Variants in ALDH1L2 observed in about 807,000 individuals in gnomAD.
The protein encoded by ALDH1L2 is aldehyde dehydrogenase 1 family member L2.
A neutral mutation model predicts 111.0 loss-of-function variants in ALDH1L2; 91 were observed. The observed-to-expected ratio is 0.82, with a 90% CI of 0.69 to 0.98. ALDH1L2 has a LOEUF of 0.98. ALDH1L2 is among the 50% of genes least tolerant of loss of function. The pLI is 0.00. For missense variants in ALDH1L2, 995 were observed against 1,126.8 expected, an observed-to-expected ratio of 0.88 and a Z score of 1.67; for synonymous variants, 374 against 392.6, an observed-to-expected ratio of 0.95 and a Z score of 0.56.
chr12:105,038,589 C>G (rs1009945490), intron 17 of ALDH1L2, among the ~76,000 whole-genome samples: 5 of 152,004 alleles, frequency 3.3e-5, no homozygotes, highest in African/African-American at 1.2e-4. Flanking sequence ...ATCGTTTGAG[C>G]CCAGGAATTC....
At chr12:105,068,625 G>T (rs1592803009) in intron 4 of ALDH1L2, 94 bp downstream of exon 4, 4 of 1,184,896 alleles carry the variant, frequency 3.4e-6, no homozygotes, top group Middle Eastern at 2.6e-4. Flanking sequence ...TTATATTTTT[G>T]GTGAAAATTC....
intron 9 of ALDH1L2, among the ~76,000 whole-genome samples, chr12:105,060,258 G>A (rs1235015378): frequency 6.6e-6 from 1 of 152,040 alleles, no homozygotes. Context: ...ATTAATATCA[G>A]GTGTCAGATA....
intron 10 of ALDH1L2, among the ~76,000 whole-genome samples, chr12:105,055,921 C>G (rs780482651): frequency 1.3e-5 from 2 of 151,928 alleles, no homozygotes; most frequent in Non-Finnish European, 2.9e-5. Flanking sequence ...ATACCATCAA[C>G]TATACCAACA....
Position 105,022,747 on chromosome 12 carries a change from C to G in ALDH1L2, c.*1677G>C, listed in dbSNP as rs1482908801. ...GGCCAAATTCGCTCTGTTTATCATG[C>G]TGGGATCAAACCTCCTATTCTTCCT... On this transcript the variant is annotated 3_prime_UTR_variant, in exon 23 of 23. Coordinates refer to ENST00000258494, the MANE Select transcript of ALDH1L2 (RefSeq NM_001034173.4). 6.6e-6 allele frequency: 1 copy of G among 152,134 alleles called. No individual in the cohort carries two copies. The highest frequency in any genetic ancestry group is 6.5e-5 in the Admixed American group (1 of 15,274). 9.4% of individuals were successfully genotyped at this position (152,134 alleles called of 1,614,324 possible).
intron 15 of ALDH1L2, among the ~76,000 whole-genome samples, chr12:105,046,236 T>A (rs1482396694): frequency 1.9e-4 from 24 of 124,276 alleles, no homozygotes; most frequent in African/African-American, 6.9e-4. Flanking sequence ...TTTTTTTTTT[T>A]TTTTTTTTTT....
chr12:105,075,696 T>C (rs1878015792), intron 1 of ALDH1L2, among the ~76,000 whole-genome samples: 1 of 152,254 alleles, frequency 6.6e-6, no homozygotes, highest in Admixed American at 6.5e-5. Context: ...GGTGAGTTTC[T>C]AACACTGAGA....
chr12:105,084,319 G>C, intron 1 of ALDH1L2, 70 bp downstream of exon 1: 2 of 1,458,912 alleles, frequency 1.4e-6, no homozygotes, highest in Non-Finnish European at 1.8e-6. Context: ...CACCGCCCCG[G>C]CCCTCCCGCC....
At chr12:105,035,115 A>T (rs10778363) in intron 18 of ALDH1L2, among the ~76,000 whole-genome samples, 34,481 of 151,932 alleles carry the variant, frequency 0.23, 5,407 homozygotes, top group East Asian at 0.5. Flanking sequence ...TACCCAGCTA[A>T]TTTTTTCTAT....
At chr12:105,065,785 T>C (rs924475570) in intron 5 of ALDH1L2, among the ~76,000 whole-genome samples, 1 of 152,068 alleles carries the variant, frequency 6.6e-6, no homozygotes, top group Non-Finnish European at 1.5e-5. Context: ...TTGTCTCAGG[T>C]TTATGGGACC....
At chr12:105,071,438 C>A (rs1228165465) in intron 2 of ALDH1L2, among the ~76,000 whole-genome samples, 2 of 147,810 alleles carry the variant, frequency 1.4e-5, no homozygotes, top group Non-Finnish European at 3.1e-5. Context: ...CTGAGAAGAG[C>A]GCTGTCCCCT....
chr12:105,069,489 C>T (rs746652048), intron 3 of ALDH1L2, among the ~76,000 whole-genome samples: 1 of 152,170 alleles, frequency 6.6e-6, no homozygotes, highest in South Asian at 2.1e-4. Flanking sequence ...ACTGGCATTG[C>T]TATCAAGATC....
intron 4 of ALDH1L2, among the ~76,000 whole-genome samples, chr12:105,068,271 A>ATT (rs773030009): frequency 4.1e-5 from 6 of 146,436 alleles, no homozygotes; most frequent in African/African-American, 1.0e-4. Flanking sequence ...ATGTTTTGGG[A>ATT]TTTTTTTTTT....
chr12:105,043,893 A>T (rs749837017), intron 15 of ALDH1L2, among the ~76,000 whole-genome samples: 7 of 152,168 alleles, frequency 4.6e-5, no homozygotes, highest in Non-Finnish European at 7.4e-5. Flanking sequence ...AGGCCATGAA[A>T]ATCTGTGCTT....
chr12:105,032,680 C>T (rs1213569482), intron 19 of ALDH1L2, among the ~76,000 whole-genome samples: 2 of 152,184 alleles, frequency 1.3e-5, no homozygotes, highest in South Asian at 2.1e-4. Flanking sequence ...AAGTCCTTAA[C>T]CACTATCTAC....
chr12:105,072,407 C>T (rs1367944682), intron 2 of ALDH1L2: 1 of 151,898 alleles, frequency 6.6e-6, no homozygotes, highest in African/African-American at 2.4e-5. Flanking sequence ...CACCATGAAA[C>T]CTAAATTCTG....
intron 18 of ALDH1L2, among the ~76,000 whole-genome samples, chr12:105,036,379 ATATT>A (rs1875085469): frequency 1.1e-5 from 1 of 90,786 alleles, no homozygotes; most frequent in South Asian, 3.4e-4. Flanking sequence ...ATATATACGT[ATATT>A]TATATATGTG....
intron 9 of ALDH1L2, 42 bp from the exon 10 acceptor site, chr12:105,058,262 AGGG>A: frequency 6.4e-7 from 1 of 1,555,462 alleles, no homozygotes; most frequent in Non-Finnish European, 8.7e-7. Flanking sequence ...GATTTTTAAA[AGGG>A]GTTAGGAAGA....
intron 10 of ALDH1L2, 150 bp downstream of exon 10, chr12:105,057,923 G>C (rs987183761): frequency 6.3e-6 from 6 of 953,236 alleles, no homozygotes; most frequent in Admixed American, 3.2e-5. Flanking sequence ...CATTTTAAAG[G>C]GGAATTTTAT....
intron 12 of ALDH1L2, among the ~76,000 whole-genome samples, chr12:105,051,270 T>C (rs1219949249): frequency 6.6e-6 from 1 of 152,128 alleles, no homozygotes; most frequent in Non-Finnish European, 1.5e-5. Flanking sequence ...TGCTCTCCCA[T>C]TGGGCTTGGC....
Sources: allele counts gnomAD v4.1 joint callset (sites outside exome capture counted in the v4.1 genomes callset), GRCh38; gene constraint gnomAD v4.1.1; transcripts MANE v1.5; gene names NCBI Gene and HGNC (gene_info 2026-07-23, HGNC 2026-07-21).